AIFM3: variants seen among roughly 807,000 people sequenced by gnomAD.
AIFM3 encodes AIF family member 3.
A neutral mutation model predicts 82.7 loss-of-function variants in AIFM3; 71 were observed. That is an observed-to-expected ratio of 0.86 (90% CI 0.71 to 1.05). The LOEUF (loss-of-function observed/expected upper bound fraction) is 1.05, where lower values mean the gene tolerates loss of function less well. Ranked by LOEUF, AIFM3 falls within the 50% of genes least tolerant of loss-of-function variation. The pLI, the probability that AIFM3 is intolerant of heterozygous loss-of-function variation, is 0.00. For missense variants in AIFM3, 748 were observed against 816.7 expected, an observed-to-expected ratio of 0.92 and a Z score of 1.03; for synonymous variants, 337 against 329.1, an observed-to-expected ratio of 1.02 and a Z score of -0.26.
At chr22:20,978,580 C>G (rs1240840749) in intron 16 of AIFM3, among the ~76,000 whole-genome samples, 2 of 152,010 alleles carry the variant, frequency 1.3e-5, no homozygotes, top group Admixed American at 6.6e-5. Flanking sequence ...CTCACTGCCT[C>G]AGAGAGAGGA....
chr22:20,976,652 G>A lies in AIFM3; in HGVS notation c.1032G>A (p.Gly344=). The change falls in exon 12 of 21, where the codon GGG becomes GGA. Residue 344 remains glycine, a splice_region_variant and synonymous_variant. Transcript: ENST00000440238. ...CTGCCACCCCCTGCCCATCACCAGG[G>A]ATGGAGGTGGCCGCTTACCTGACGG... The part of the protein sequence containing the change: ...NVVVVGAGFL[G]MEVAAYLTEK... The A allele has an allele frequency of 3.7e-6, 6 of 1,610,708 alleles. No homozygotes were observed. The highest frequency in any genetic ancestry group is 5.1e-6 in the Non-Finnish European group (6 of 1,178,402).
chr22:20,980,915 G>T, intron 20 of AIFM3, 77 bp from the exon 21 acceptor site: 1 of 1,609,990 alleles, frequency 6.2e-7, no homozygotes, highest in Admixed American at 1.7e-5. Flanking sequence ...CTGTCCTCAA[G>T]GGCCAGCTGT....
At chr22:20,977,798 G>C (rs775679682) in intron 15 of AIFM3, 22 bp downstream of exon 15, 4 of 1,614,066 alleles carry the variant, frequency 2.5e-6, no homozygotes, top group Non-Finnish European at 3.4e-6. Flanking sequence ...GGCACTGGGT[G>C]GGGAGGACCC....
chr22:20,979,376 C>T lies in AIFM3; in HGVS notation c.1576+7C>T, dbSNP rs1268614017. 1.9e-5 allele frequency: 29 copies of T among 1,550,670 alleles called. No homozygotes were observed. Among genetic ancestry groups the T allele is most frequent in the Non-Finnish European group, 2.4e-5 (27 of 1,147,372 alleles). ...AAGAGCCTGCGCTACGCGGGTAACC[C>T]CGGGGCCTCGGATGGGGGCGGGGCC... On this transcript the variant is annotated splice_region_variant and intron_variant, in intron 17 of 20. Coordinates refer to ENST00000440238, the MANE Select transcript of AIFM3 (RefSeq NM_001386814.1).
chr22:20,973,608 G>A, intron 3 of AIFM3, 88 bp downstream of exon 3: 1 of 1,400,630 alleles, frequency 7.1e-7, no homozygotes, highest in Non-Finnish European at 9.3e-7. Flanking sequence ...GGGTTGGCCT[G>A]AAGGGGCTAT....
At chr22:20,975,023 C>T (rs1467964332) in intron 8 of AIFM3, among the ~76,000 whole-genome samples, 6 of 152,178 alleles carry the variant, frequency 3.9e-5, no homozygotes, top group East Asian at 3.8e-4. Context: ...GATGCAGTGG[C>T]GCCTTCTCGG....
intron 18 of AIFM3, 119 bp downstream of exon 18, chr22:20,979,821 G>A (rs1002589108): frequency 2.2e-5 from 30 of 1,347,184 alleles, no homozygotes; most frequent in African/African-American, 8.8e-5. Context: ...GAGGAGTGCT[G>A]GAGCTTCCTT....
intron 9 of AIFM3, 100 bp from the exon 10 acceptor site, chr22:20,976,115 G>GAGGCTGTGGCT (rs1329636405): frequency 4.5e-6 from 6 of 1,327,890 alleles, no homozygotes; most frequent in Non-Finnish European, 6.4e-6. Context: ...GAGCTTCTCA[G>GAGGCTGTGGCT]AGGCTGTGGC....
intron 18 of AIFM3, 105 bp from the exon 19 acceptor site, chr22:20,979,915 G>T (rs1923975523): frequency 1.7e-6 from 2 of 1,205,538 alleles, no homozygotes; most frequent in Non-Finnish European, 2.3e-6. Context: ...TTGTTGCCCT[G>T]GGGTAGGTCC....
At position 20,979,339 on chromosome 22, in the gene AIFM3, G is replaced by A. The variant is rs367937547; in HGVS notation, c.1546G>A (p.Ala516Thr). The change falls in exon 17 of 21, where the codon GCC (alanine) becomes ACC (threonine). Residue 516 changes from alanine (A) to threonine (T), a missense_variant. This residue lies in a region of AIFM3 where 183 missense variants were observed against 158.2 expected (regional missense o/e 1.16). Transcript: ENST00000440238. ...EMSTVPYLWT[A>T]MFGKSLRYAG... ...GAGCACTGTGCCCTACCTCTGGACC[G>A]CCATGTTTGGCAAGAGCCTGCGCTA... The A allele has an allele frequency of 2.4e-5, 37 of 1,557,538 alleles. No homozygotes were observed. In the African/African-American group the frequency reaches 4.8e-4, roughly 20 times the overall value.
intron 4 of AIFM3, 40 bp from the exon 5 acceptor site, chr22:20,974,023 C>T (rs1314672911): frequency 2.6e-6 from 4 of 1,560,932 alleles, no homozygotes; most frequent in Admixed American, 3.8e-5. Flanking sequence ...TGGGAAGCAA[C>T]CCCTGCTGGT....
rs778661498 is a variant in AIFM3 at position 20,977,015 on chromosome 22, C to T, written c.1219-17C>T. On this transcript the variant is annotated splice_polypyrimidine_tract_variant and intron_variant, in intron 13 of 20. Coordinates refer to ENST00000440238, the MANE Select transcript of AIFM3 (RefSeq NM_001386814.1). ...CTGGGAGCTGGGTCCACCTGTTTAT[C>T]CACCCACTCCCCACAGCTGAAGGAG... The T allele has an allele frequency of 1.2e-6, 2 of 1,614,174 alleles. No individual in the cohort carries two copies. The highest frequency in any genetic ancestry group is 1.1e-5 in the South Asian group (1 of 91,086).
At position 20,979,395 on chromosome 22, in the gene AIFM3, C is replaced by CG. The variant is rs1301411240; in HGVS notation, c.1576+30dup. On this transcript the variant is annotated intron_variant, in intron 17 of 20. Coordinates refer to ENST00000440238, the MANE Select transcript of AIFM3 (RefSeq NM_001386814.1). ...GTAACCCCGGGGCCTCGGATGGGGG[C>CG]GGGGCCGAGGGCGTTTAGGGGCGGG... 1.7e-5 allele frequency: 8 copies of CG among 472,672 alleles called. No homozygotes were observed. In the South Asian group the frequency reaches 2.3e-4, roughly 13 times the overall value. The allele number at this position is 472,672 out of a possible 1,614,324, so 29.3% of individuals were successfully genotyped here.
At chr22:20,978,825 G>C (rs1923863351) in intron 16 of AIFM3, among the ~76,000 whole-genome samples, 1 of 152,152 alleles carries the variant, frequency 6.6e-6, no homozygotes, top group African/African-American at 2.4e-5. Context: ...CAACTACAGG[G>C]GTCTACTGGG....
Position 20,973,423 on chromosome 22 carries a change from C to T in AIFM3, c.148C>T (p.His50Tyr). ...YQGNGTARHF[H>Y]TEERLSTPHP... The stretch of plus-strand genomic sequence containing the variant: ...GGGCAATGGCACGGCCCGCCACTTC[C>T]ACACGGAGGAGCGCCTGTCCACCCC... The change falls in exon 3 of 21, where the codon CAC (histidine) becomes TAC (tyrosine). Residue 50 changes from histidine to tyrosine, a missense_variant. His to Tyr is a moderately conservative substitution (Grantham distance 83). Coordinates refer to ENST00000440238, the MANE Select transcript of AIFM3 (RefSeq NM_001386814.1). 1 of 1,613,194 alleles carries T rather than the reference C, an allele frequency of 6.2e-7. No individual in the cohort carries two copies. Among genetic ancestry groups the T allele is most frequent in the Non-Finnish European group, 8.5e-7 (1 of 1,179,984 alleles).
At chr22:20,977,587 GC>G (rs1923771167) in intron 14 of AIFM3, 112 bp from the exon 15 acceptor site, 1 of 1,351,810 alleles carries the variant, frequency 7.4e-7, no homozygotes, top group East Asian at 2.4e-5. Flanking sequence ...CAGGTAGACA[GC>G]CCCTGGAGGA....
At position 20,973,808 on chromosome 22, in the gene AIFM3, A is replaced by G. The variant is rs1489018325; in HGVS notation, c.296A>G (p.Asn99Ser). The change falls in exon 4 of 21, where the codon AAT (asparagine) becomes AGT (serine). Residue 99 changes from asparagine to serine, a missense_variant. This residue lies in a region of AIFM3 where 148 missense variants were observed against 134.1 expected (regional missense o/e 1.10). Transcript: ENST00000440238. Reference protein sequence around the residue: ...GWGKVLLVKDNGEFHALGHKC... With the variant: ...GWGKVLLVKDSGEFHALGHKC... ...GGGAAGGTGTTGCTGGTGAAGGACA[A>G]TGGGGAGTTCCACGCCCTGGGCCAT... 1.3e-6 allele frequency: 2 copies of G among 1,584,134 alleles called. No individual in the cohort carries two copies. The highest frequency in any genetic ancestry group is 3.6e-5 in the Admixed American group (2 of 55,836).
intron 3 of AIFM3, 63 bp downstream of exon 3, chr22:20,973,583 C>CA: frequency 6.7e-7 from 1 of 1,501,790 alleles, no homozygotes; most frequent in Non-Finnish European, 9.0e-7. Flanking sequence ...GTGAGGGGGC[C>CA]ATAGCCGGGG....
intron 2 of AIFM3, among the ~76,000 whole-genome samples, chr22:20,969,426 C>A (rs1383155625): frequency 6.6e-6 from 1 of 150,662 alleles, no homozygotes; most frequent in Non-Finnish European, 1.5e-5. Flanking sequence ...ACACCAGAAG[C>A]ACTTGCGGAA....
Sources: gnomAD v4.1 joint callset for allele counts (sites outside exome capture counted in the v4.1 genomes callset) on GRCh38, gnomAD v4.1.1 for gene constraint, gnomAD v4.1.1 regional missense constraint, MANE v1.5 for transcripts, NCBI Gene and HGNC (gene_info 2026-07-23, HGNC 2026-07-21) for gene names.